Variants in HMGA2 observed in about 807,000 individuals in gnomAD.
The protein encoded by HMGA2 is high mobility group AT-hook 2.
Under a neutral mutation model 19.1 loss-of-function variants are expected in HMGA2, and 8 were observed. The observed-to-expected ratio is 0.42, with a 90% CI of 0.25 to 0.76. The LOEUF (loss-of-function observed/expected upper bound fraction) is 0.76, where lower values mean the gene tolerates loss of function less well. HMGA2 is among the 30% of genes least tolerant of loss of function. HMGA2 has a pLI of 0.28. For missense variants in HMGA2, 109 were observed against 136.3 expected (o/e 0.80, Z 1.00); for synonymous variants, 60 against 48.8 (o/e 1.23, Z -0.96).
intron 3 of HMGA2, among the ~76,000 whole-genome samples, chr12:65,915,843 A>G (rs182146482): frequency 3.3e-4 from 51 of 152,320 alleles, no homozygotes; most frequent in African/African-American, 1.2e-3. Flanking sequence ...GTAATAGCAA[A>G]TTGGCAAAAT....
chr12:65,881,083 T>A (rs1873355011), intron 3 of HMGA2, among the ~76,000 whole-genome samples: 1 of 152,218 alleles, frequency 6.6e-6, no homozygotes, highest in African/African-American at 2.4e-5. Context: ...ATTTTAGACA[T>A]ATTATGGTGG....
intron 3 of HMGA2, among the ~76,000 whole-genome samples, chr12:65,909,762 C>T (rs1384288521): frequency 6.6e-6 from 1 of 152,134 alleles, no homozygotes; most frequent in Non-Finnish European, 1.5e-5. Context: ...GAGATATAAC[C>T]TCATCTCTGT....
intron 2 of HMGA2, among the ~76,000 whole-genome samples, chr12:65,836,049 G>A (rs964014487): frequency 5.3e-5 from 8 of 152,182 alleles, no homozygotes; most frequent in African/African-American, 1.9e-4. Context: ...ACAGATGGGT[G>A]TGAAGGAATA....
intron 3 of HMGA2, among the ~76,000 whole-genome samples, chr12:65,912,280 T>G (rs755303366): frequency 4.6e-5 from 7 of 152,208 alleles, no homozygotes; most frequent in Non-Finnish European, 7.3e-5. Flanking sequence ...TGTCATTTAT[T>G]TCTCCATTAA....
intron 3 of HMGA2, among the ~76,000 whole-genome samples, chr12:65,874,510 C>G (rs1872876525): frequency 6.6e-6 from 1 of 152,022 alleles, no homozygotes; most frequent in African/African-American, 2.4e-5. Context: ...ATGTGGTGCC[C>G]TTTAGAAATT....
chr12:65,913,106 T>C lies in HMGA2; in HGVS notation c.250-38277T>C, dbSNP rs149148870. ...AGACGTTATTAAAACAAAAAGGTTT[T>C]AATTAATTACTTATAATCATGAGTC... On this transcript the variant is annotated intron_variant, in intron 3 of 4. Coordinates refer to ENST00000403681, the MANE Select transcript of HMGA2 (RefSeq NM_003483.6). 5.3e-5 allele frequency among the ~76,000 whole-genome samples: 8 copies of C among 152,344 alleles called. No individual in the cohort carries two copies. In the East Asian group the frequency reaches 1.5e-3, roughly 29 times the overall value.
intron 3 of HMGA2, among the ~76,000 whole-genome samples, chr12:65,940,918 A>G (rs1286291049): frequency 6.6e-6 from 1 of 152,214 alleles, no homozygotes; most frequent in Non-Finnish European, 1.5e-5. Flanking sequence ...GACACATACA[A>G]ATTATGCATT....
At chr12:65,871,002 A>G (rs997977437) in intron 3 of HMGA2, among the ~76,000 whole-genome samples, 5 of 152,184 alleles carry the variant, frequency 3.3e-5, no homozygotes, top group Admixed American at 6.5e-5. Context: ...GAAGCTATTA[A>G]AGATTTCTAA....
intron 3 of HMGA2, among the ~76,000 whole-genome samples, chr12:65,933,738 A>C (rs1875796563): frequency 1.3e-5 from 2 of 152,176 alleles, no homozygotes; most frequent in African/African-American, 2.4e-5. Context: ...CTTTTTAAAC[A>C]CTGGTATGCA....
chr12:65,848,283 C>G (rs1409118458), intron 3 of HMGA2, among the ~76,000 whole-genome samples: 1 of 152,190 alleles, frequency 6.6e-6, no homozygotes, highest in Non-Finnish European at 1.5e-5. Flanking sequence ...GGTAGTTTCT[C>G]TTTCTCTCTC....
chr12:65,947,334 C>T (rs1046230798), intron 3 of HMGA2, among the ~76,000 whole-genome samples: 2 of 152,106 alleles, frequency 1.3e-5, no homozygotes, highest in Non-Finnish European at 2.9e-5. Flanking sequence ...AAGCTGGTCT[C>T]GAACTCGTGA....
Position 65,825,502 on chromosome 12 carries a change from C to T in HMGA2, c.111+121C>T. 1 of 516,584 alleles carries T rather than the reference C, an allele frequency of 1.9e-6. No homozygotes were observed. Among genetic ancestry groups the T allele is most frequent in the Non-Finnish European group, 2.8e-6 (1 of 351,808 alleles). The allele number at this position is 516,584 out of a possible 1,614,324, so 32.0% of individuals were successfully genotyped here. A position where few individuals can be genotyped will look rare whatever the true frequency, so the allele number is the denominator to read the frequency against. ...GCCGCGGCCGTCGCACACTGCCCGC[C>T]GGCCGGCCGGGGGGAGCGGCGCAGA... On this transcript the variant is annotated intron_variant, in intron 1 of 4. Transcript: ENST00000403681. This position sits in a 1 kb window ranked among gnomAD's most constrained non-coding sequence, Gnocchi z 4.4.
intron 3 of HMGA2, among the ~76,000 whole-genome samples, chr12:65,948,745 C>T (rs1267914410): frequency 6.6e-6 from 1 of 152,142 alleles, no homozygotes; most frequent in Non-Finnish European, 1.5e-5. Context: ...TTCCGTGACA[C>T]GGACTAGGCC....
chr12:65,909,013 C>T (rs1874726359), intron 3 of HMGA2, among the ~76,000 whole-genome samples: 1 of 152,170 alleles, frequency 6.6e-6, no homozygotes, highest in Admixed American at 6.5e-5. Flanking sequence ...TGTAGCTTAG[C>T]AAACTATGAG....
At chr12:65,843,324 G>T in intron 3 of HMGA2, 1 of 211,908 alleles carries the variant, frequency 4.7e-6, no homozygotes, top group Non-Finnish European at 9.6e-6. Context: ...TGCTTTTGAA[G>T]GGGGGCAGTT....
intron 3 of HMGA2, among the ~76,000 whole-genome samples, chr12:65,945,903 T>G (rs1876247685): frequency 1.3e-5 from 2 of 152,234 alleles, no homozygotes; most frequent in Non-Finnish European, 2.9e-5. Context: ...TAAAACTGGC[T>G]ACACTTGTGT....
At chr12:65,954,789 T>A (rs976171410) in intron 4 of HMGA2, 1 of 152,226 alleles carries the variant, frequency 6.6e-6, no homozygotes, top group Non-Finnish European at 1.5e-5. Flanking sequence ...GGGGAAAATC[T>A]GTAATATGTA....
intron 3 of HMGA2, among the ~76,000 whole-genome samples, chr12:65,898,186 A>G (rs71450834): frequency 6.6e-6 from 1 of 152,280 alleles, no homozygotes; most frequent in Admixed American, 6.5e-5. Context: ...AACAGCCCCC[A>G]AATCCCTACC....
intron 3 of HMGA2, chr12:65,859,649 T>C (rs1276789732): frequency 2.0e-5 from 3 of 152,378 alleles, no homozygotes; most frequent in East Asian, 1.9e-4. Context: ...GCACCTTTTA[T>C]GAATTAGCTC....
Sources: gnomAD v4.1 joint callset for allele counts (sites outside exome capture counted in the v4.1 genomes callset) on GRCh38, gnomAD v4.1.1 for gene constraint, Gnocchi (gnomAD v3.1) non-coding constraint, MANE v1.5 for transcripts, NCBI Gene and HGNC (gene_info 2026-07-23, HGNC 2026-07-21) for gene names.